The following C16orf74 variants were observed in gnomAD, a reference collection of about 807,000 sequenced individuals.
C16orf74 encodes the protein calcimembrin.
A neutral mutation model predicts 6.5 loss-of-function variants in C16orf74; 10 were observed. That is an observed-to-expected ratio of 1.54 (90% CI 0.95 to 2.61). The LOEUF (loss-of-function observed/expected upper bound fraction) is 2.61. Among genes scored for constraint, C16orf74 ranks in the 30% most tolerant of loss-of-function variants. The probability of loss-of-function intolerance (pLI) is 0.00; values close to 1 mark genes in which losing one functional copy is unlikely to be tolerated. For missense variants in C16orf74, 141 were observed against 105.9 expected (o/e 1.33, Z -1.45); for synonymous variants, 60 against 42.5 (o/e 1.41, Z -1.60).
rs1461316137 is a variant in C16orf74, at chr16:85,707,872, T to C, written c.*136A>G. The C allele has an allele frequency of 2.2e-5, 15 of 687,874 alleles. No homozygotes were observed. Among genetic ancestry groups the C allele is most frequent in the East Asian group, 1.9e-4 (7 of 36,236 alleles). The allele number at this position is 687,874 out of a possible 1,614,324, so 42.6% of individuals were successfully genotyped here. A position where few individuals can be genotyped will look rare whatever the true frequency, so the allele number is the denominator to read the frequency against. On this transcript the variant is annotated 3_prime_UTR_variant, in exon 4 of 4. Coordinates refer to ENST00000284245, the MANE Select transcript of C16orf74 (RefSeq NM_206967.3). ...GATTCCTCGCTGGTCCTGCCACGTC[T>C]CTCTGAGCGGAGGCCCGGGTTCGCT...
rs572161746 is a variant in C16orf74 at position 85,750,425 on chromosome 16, C to A, written c.-19+501G>T. On this transcript the variant is annotated intron_variant, in intron 1 of 3. Coordinates refer to ENST00000284245, the MANE Select transcript of C16orf74 (RefSeq NM_206967.3). Reference sequence around the variant, plus strand: ...GTGCGTCCACACGGGTCGCCCTTCGCGGTTGCAAACCTGCTTTGATGCCCT... The same window carrying A: ...GTGCGTCCACACGGGTCGCCCTTCGAGGTTGCAAACCTGCTTTGATGCCCT... Among the ~76,000 whole-genome samples, 3 of 152,352 alleles carry A rather than the reference C, an allele frequency of 2.0e-5. No homozygotes were observed. In the South Asian group the frequency reaches 6.2e-4, roughly 32 times the overall value.
intron 2 of C16orf74, among the ~76,000 whole-genome samples, chr16:85,717,040 G>A (rs1286296347): frequency 1.3e-5 from 2 of 152,214 alleles, no homozygotes; most frequent in Non-Finnish European, 2.9e-5. Context: ...TGTGCAGGAA[G>A]ACCTCCCCAC....
At chr16:85,726,863 G>C (rs570073469) in intron 2 of C16orf74, among the ~76,000 whole-genome samples, 184 of 152,208 alleles carry the variant, frequency 1.2e-3, no homozygotes, top group African/African-American at 4.1e-3. Flanking sequence ...GCTGCTGCTT[G>C]CTTCCCAGCC....
chr16:85,728,619 T>C (rs2054157891), intron 2 of C16orf74, among the ~76,000 whole-genome samples: 1 of 152,100 alleles, frequency 6.6e-6, no homozygotes, highest in South Asian at 2.1e-4. Context: ...ATGCCTGCAG[T>C]TTAAGTCTTC....
At chr16:85,747,753 C>T (rs1173197334) in intron 1 of C16orf74, among the ~76,000 whole-genome samples, 2 of 152,212 alleles carry the variant, frequency 1.3e-5, no homozygotes, top group Middle Eastern at 3.4e-3. Context: ...TGGTTTTATA[C>T]ATTAGGAAGA....
intron 2 of C16orf74, among the ~76,000 whole-genome samples, chr16:85,724,300 C>T (rs1037453768): frequency 6.6e-5 from 10 of 152,126 alleles, no homozygotes; most frequent in African/African-American, 2.2e-4. Context: ...TCATTCCTCA[C>T]CTTTGTCCAT....
chr16:85,709,320 C>A (rs2053943820), intron 3 of C16orf74, among the ~76,000 whole-genome samples: 1 of 152,050 alleles, frequency 6.6e-6, no homozygotes. Flanking sequence ...CACCACAGCA[C>A]TCCAGCCTGG....
At chr16:85,746,750 T>C (rs1056148038) in intron 1 of C16orf74, among the ~76,000 whole-genome samples, 1 of 152,156 alleles carries the variant, frequency 6.6e-6, no homozygotes, top group Non-Finnish European at 1.5e-5. Context: ...TCTCTGGGCC[T>C]GGTCATGCTG....
At chr16:85,720,154 C>A (rs895676401) in intron 2 of C16orf74, among the ~76,000 whole-genome samples, 1 of 151,906 alleles carries the variant, frequency 6.6e-6, no homozygotes, top group African/African-American at 2.4e-5. Flanking sequence ...ATCCCAGGCC[C>A]GATAGAGACA....
At chr16:85,725,051 G>A (rs189675603) in intron 2 of C16orf74, among the ~76,000 whole-genome samples, 1 of 143,918 alleles carries the variant, frequency 6.9e-6, no homozygotes, top group East Asian at 2.0e-4. Flanking sequence ...TTTAGCTTAA[G>A]CATGGGTGAC....
intron 1 of C16orf74, chr16:85,743,487 A>G (rs2054333108): frequency 6.6e-6 from 1 of 152,224 alleles, no homozygotes; most frequent in African/African-American, 2.4e-5. Context: ...ACCCAGGGCT[A>G]GCAAGCTACA....
At chr16:85,726,349 C>T (rs930655365) in intron 2 of C16orf74, among the ~76,000 whole-genome samples, 8 of 152,170 alleles carry the variant, frequency 5.3e-5, no homozygotes, top group East Asian at 1.9e-4. Flanking sequence ...TGGAGTTGCC[C>T]GGGACACACT....
intron 2 of C16orf74, among the ~76,000 whole-genome samples, chr16:85,712,105 A>C (rs1303908326): frequency 6.6e-6 from 1 of 152,234 alleles, no homozygotes; most frequent in African/African-American, 2.4e-5. Context: ...ATGCTCAAGC[A>C]GCCTGTGGAG....
intron 2 of C16orf74, among the ~76,000 whole-genome samples, chr16:85,712,858 GCCGGGGGCTGTGGTTA>G (rs2053983711): frequency 6.6e-6 from 1 of 152,208 alleles, no homozygotes; most frequent in South Asian, 2.1e-4. Context: ...GTCTTTGTTT[GCCGGGGGCTGTGGTTA>G]CACTGGGTGT....
chr16:85,730,232 C>A (rs570310836), intron 2 of C16orf74, among the ~76,000 whole-genome samples: 1 of 152,168 alleles, frequency 6.6e-6, no homozygotes, highest in Non-Finnish European at 1.5e-5. Flanking sequence ...TCAGCCCATG[C>A]CTCCCGTAAC....
Position 85,735,198 on chromosome 16 carries a change from C to G in C16orf74, c.20G>C (p.Cys7Ser). The G allele has an allele frequency of 6.2e-7, 1 of 1,604,034 alleles. No individual in the cohort carries two copies. The highest frequency in any genetic ancestry group is 8.5e-7 in the Non-Finnish European group (1 of 1,174,972). ...AGAGCTTCAGGCCTTACCTTTCAGGCAGGACATCTTAAGCCCCATGTCGGC... is the reference window on the plus strand; with the variant it reads ...AGAGCTTCAGGCCTTACCTTTCAGGGAGGACATCTTAAGCCCCATGTCGGC... The part of the protein sequence containing the change: MGLKMS[C>S]LKGFQMCVSS... The change falls in exon 2 of 4, where the codon TGC becomes TCC. Residue 7 changes from cysteine (C) to serine (S), a missense_variant. Physicochemically the swap from Cys to Ser is moderately radical, Grantham distance 112. Transcript: ENST00000284245.
chr16:85,723,326 G>A (rs2054101356), intron 2 of C16orf74, among the ~76,000 whole-genome samples: 1 of 151,446 alleles, frequency 6.6e-6, no homozygotes, highest in Non-Finnish European at 1.5e-5. Flanking sequence ...ACTTTGGGAG[G>A]CCGAGGAAGG....
intron 2 of C16orf74, among the ~76,000 whole-genome samples, chr16:85,716,664 G>C (rs1286729371): frequency 1.4e-5 from 2 of 147,546 alleles, no homozygotes; most frequent in Admixed American, 6.7e-5. Context: ...GGGAGAAGGA[G>C]GAGGAAGGGA....
intron 2 of C16orf74, among the ~76,000 whole-genome samples, chr16:85,719,306 G>A (rs1044379305): frequency 6.6e-6 from 1 of 152,148 alleles, no homozygotes; most frequent in Non-Finnish European, 1.5e-5. Context: ...TACACCTCCT[G>A]TCCAGGCTCC....
Sources: gnomAD v4.1 joint callset for allele counts (sites outside exome capture counted in the v4.1 genomes callset) on GRCh38, gnomAD v4.1.1 for gene constraint, MANE v1.5 for transcripts, NCBI Gene and HGNC (gene_info 2026-07-23, HGNC 2026-07-21) for gene names.